Variants in CYB561A3 observed in about 807,000 individuals in gnomAD.
CYB561A3 encodes cytochrome b561 family member A3.
Under a neutral mutation model 25.3 loss-of-function variants are expected in CYB561A3, and 16 were observed. The observed-to-expected ratio is 0.63, with a 90% confidence interval of 0.43 to 0.96. The LOEUF is 0.96. CYB561A3 is among the 40% of genes least tolerant of loss of function. The probability of loss-of-function intolerance (pLI) is 0.00; values close to 1 mark genes in which losing one functional copy is unlikely to be tolerated. For synonymous variants in CYB561A3, 131 were observed against 129.9 expected (o/e 1.01, Z -0.06); for missense variants, 219 against 307.5 (o/e 0.71, Z 2.15).
At position 61,353,964 on chromosome 11, in the gene CYB561A3, C is replaced by A; in HGVS notation, c.213G>T (p.Ser71=). Residue 71 remains serine, a synonymous_variant, in exon 4 of 7, where the codon TCG becomes TCT. Transcript: ENST00000294072. ...TCCAGGGCAGTTTGGGCCCCACCCACGACTGGGGCAGGCGGTACACCAGTG... is the reference window on the plus strand; with the variant it reads ...TCCAGGGCAGTTTGGGCCCCACCCAAGACTGGGGCAGGCGGTACACCAGTG... ...GASLVYRLPQ[S]WVGPKLPWKL... 2 of 1,614,174 alleles carry A rather than the reference C, an allele frequency of 1.2e-6. No homozygotes were observed.
chr11:61,350,291 G>C lies in CYB561A3; in HGVS notation c.*108C>G. 7.0e-7 allele frequency: 1 copy of C among 1,429,436 alleles called. No homozygotes were observed. The highest frequency in any genetic ancestry group is 9.5e-7 in the Non-Finnish European group (1 of 1,049,494). 88.5% of individuals were successfully genotyped at this position (1,429,436 alleles called of 1,614,324 possible). ...GGCAAGAAGTCTGGGCCCAGCATTGGAAGAAAGTCGCCTGCTGAAACCAGC... is the reference window on the plus strand; with the variant it reads ...GGCAAGAAGTCTGGGCCCAGCATTGCAAGAAAGTCGCCTGCTGAAACCAGC... On this transcript the variant is annotated 3_prime_UTR_variant, in exon 7 of 7. Coordinates refer to ENST00000294072, the MANE Select transcript of CYB561A3 (RefSeq NM_153611.6).
At chr11:61,351,413 C>T (rs1348282353) in intron 5 of CYB561A3, 8 of 253,050 alleles carry the variant, frequency 3.2e-5, no homozygotes, top group Non-Finnish European at 6.0e-5. Context: ...CCTCAGCCTC[C>T]CAAGTAGCTG....
At chr11:61,350,659 A>G (rs1386109079) in intron 6 of CYB561A3, 1 of 603,364 alleles carries the variant, frequency 1.7e-6, no homozygotes, top group African/African-American at 1.8e-5. Context: ...ACTAGCCCCC[A>G]GGCTGGTAAA....
intron 5 of CYB561A3, chr11:61,352,120 A>G (rs1857441124): frequency 6.6e-6 from 1 of 152,244 alleles, no homozygotes; most frequent in Non-Finnish European, 1.5e-5. Context: ...TGGCACAGCC[A>G]AGATCGAAAC....
intron 2 of CYB561A3, chr11:61,357,038 C>A: frequency 1.4e-6 from 2 of 1,448,188 alleles, no homozygotes. Flanking sequence ...TGGGATTCCT[C>A]TCCCCTCACA....
intron 2 of CYB561A3, 146 bp from the exon 3 acceptor site, chr11:61,356,874 C>G (rs12291349): frequency 3.0e-4 from 437 of 1,450,386 alleles, no homozygotes; most frequent in Non-Finnish European, 3.8e-4. Flanking sequence ...CACCACCCCC[C>G]GCCCGAGGCC....
chr11:61,358,572 A>G (rs1857729064), intron 1 of CYB561A3: 1 of 151,954 alleles, frequency 6.6e-6, no homozygotes, highest in African/African-American at 2.4e-5. Context: ...CTAAAAATAA[A>G]AAATTAGCTG....
Position 61,353,977 on chromosome 11 carries a change from C to A in CYB561A3, c.200G>T (p.Arg67Leu), listed in dbSNP as rs761621581. 2.4e-5 allele frequency: 39 copies of A among 1,613,968 alleles called. No homozygotes were observed. The highest frequency in any genetic ancestry group is 2.1e-5 in the Non-Finnish European group (25 of 1,180,030). ...VFYGGASLVY[R>L]LPQSWVGPKL... ...GGGCCCCACCCACGACTGGGGCAGG[C>A]GGTACACCAGTGACGCTGCAGGAGA... Residue 67 changes from arginine to leucine, a missense_variant, in exon 4 of 7, where the codon CGC becomes CTC. Arg to Leu is a moderately radical substitution (Grantham distance 102). Transcript: ENST00000294072.
At chr11:61,357,932 A>G (rs1857704303) in intron 1 of CYB561A3, 104 bp from the exon 2 acceptor site, 1 of 152,236 alleles carries the variant, frequency 6.6e-6, no homozygotes, top group Non-Finnish European at 1.5e-5. Flanking sequence ...ACTCCTCTTA[A>G]CCCTGGGAGG....
rs2135092427 is a variant in CYB561A3 at position 61,349,772 on chromosome 11, A to G, written c.*627T>C. 3.1e-6 allele frequency: 2 copies of G among 647,102 alleles called. No individual in the cohort carries two copies. Among genetic ancestry groups the G allele is most frequent in the Non-Finnish European group, 5.7e-6 (2 of 352,818 alleles). The allele number at this position is 647,102 out of a possible 1,614,324, so 40.1% of individuals were successfully genotyped here. ...GCCGCCACTCCCCCTTTCTGCAATC[A>G]CCCCATGATGTCTCCACCCCACCTC... is the stretch of plus-strand genomic sequence containing the variant. On this transcript the variant is annotated 3_prime_UTR_variant, in exon 7 of 7. Transcript: ENST00000294072.
intron 1 of CYB561A3, chr11:61,360,698 C>G (rs1857823276): frequency 6.6e-6 from 1 of 152,300 alleles, no homozygotes; most frequent in Non-Finnish European, 1.5e-5. Context: ...TCTACGCAGG[C>G]TGGGCGCGGT....
At chr11:61,351,875 T>C (rs565459909) in intron 5 of CYB561A3, 1 of 152,228 alleles carries the variant, frequency 6.6e-6, no homozygotes, top group Non-Finnish European at 1.5e-5. Context: ...GGTCACACCA[T>C]TGCTCTCCAA....
intron 3 of CYB561A3, 79 bp from the exon 4 acceptor site, chr11:61,354,071 C>G: frequency 6.9e-7 from 1 of 1,458,128 alleles, no homozygotes; most frequent in Non-Finnish European, 9.4e-7. Context: ...CTGATAGGAT[C>G]CTACACAGCT....
chr11:61,350,668 A>C (rs1368328608), intron 6 of CYB561A3: 6 of 602,380 alleles, frequency 1.0e-5, no homozygotes, highest in Non-Finnish European at 1.7e-5. Flanking sequence ...CAGGCTGGTA[A>C]AGGAGAAATC....
At chr11:61,351,293 T>TC (rs1193353466) in intron 5 of CYB561A3, 146 bp from the exon 6 acceptor site, 3 of 952,530 alleles carry the variant, frequency 3.1e-6, no homozygotes, top group Non-Finnish European at 4.3e-6. Context: ...TCTTTTTTTT[T>TC]TTTTTTTTTT....
chr11:61,356,928 C>T, intron 2 of CYB561A3, 200 bp from the exon 3 acceptor site: 1 of 1,445,328 alleles, frequency 6.9e-7, no homozygotes, highest in East Asian at 2.5e-5. Context: ...ATGACTGAGG[C>T]CCCACCCCAG....
At position 61,353,137 on chromosome 11, in the gene CYB561A3, C is replaced by A; in HGVS notation, c.396G>T (p.Trp132Cys). The change falls in exon 5 of 7, where the codon TGG becomes TGT. Residue 132 changes from tryptophan (W) to cysteine (C), a missense_variant and splice_region_variant. Coordinates refer to ENST00000294072, the MANE Select transcript of CYB561A3 (RefSeq NM_153611.6). ...ITTVFLFACQ[W>C]FLGFAVFLLP... ...GGAGGAAGACAGCAAAGCCCAGGAACCACTGTGGACAAAAGGGAGGACACA... is the reference window on the plus strand; with the variant it reads ...GGAGGAAGACAGCAAAGCCCAGGAAACACTGTGGACAAAAGGGAGGACACA... 4 of 1,602,492 alleles carry A rather than the reference C, an allele frequency of 2.5e-6. No individual in the cohort carries two copies. The highest frequency in any genetic ancestry group is 3.4e-6 in the Non-Finnish European group (4 of 1,175,162).
chr11:61,353,534 G>A (rs964995159), intron 4 of CYB561A3: 5 of 685,868 alleles, frequency 7.3e-6, no homozygotes, highest in East Asian at 5.7e-5. Context: ...AGCATAGTGC[G>A]TGCCATGACA....
chr11:61,349,724 G>A lies in CYB561A3; in HGVS notation c.*675C>T. 1.5e-6 allele frequency: 1 copy of A among 686,226 alleles called. No homozygotes were observed. The highest frequency in any genetic ancestry group is 2.7e-6 in the Non-Finnish European group (1 of 372,926). The allele number at this position is 686,226 out of a possible 1,614,324, so 42.5% of individuals were successfully genotyped here. ...GAAACAGAACAGCTCAGAGCGGTCA[G>A]CTCCTCAGCAGAAGCTGCGTGGGCC... On this transcript the variant is annotated 3_prime_UTR_variant, in exon 7 of 7. Transcript: ENST00000294072.
Sources: allele counts gnomAD v4.1 joint callset, GRCh38; gene constraint gnomAD v4.1.1; transcripts MANE v1.5; gene names NCBI Gene and HGNC (gene_info 2026-07-23, HGNC 2026-07-21).